The following MOB3B variants were observed in gnomAD, a reference collection of about 807,000 sequenced individuals.
MOB3B encodes MOB kinase activator-like 2B.
A neutral mutation model predicts 18.7 loss-of-function variants in MOB3B; 7 were observed. The observed-to-expected ratio is 0.37, with a 90% CI of 0.21 to 0.70. The LOEUF is 0.70. MOB3B is among the 30% of genes least tolerant of loss of function. The pLI is 0.52. For synonymous variants in MOB3B, 111 were observed against 99.9 expected (o/e 1.11, Z -0.66); for missense variants, 253 against 281.3 (o/e 0.90, Z 0.72).
At chr9:27,331,585 T>C (rs990523051) in intron 3 of MOB3B, among the ~76,000 whole-genome samples, 1 of 152,260 alleles carries the variant, frequency 6.6e-6, no homozygotes, top group Non-Finnish European at 1.5e-5. Context: ...GCTTTCATCT[T>C]TGTAGCCCCT....
At chr9:27,443,229 T>C (rs370633730) in intron 2 of MOB3B, among the ~76,000 whole-genome samples, 3 of 152,174 alleles carry the variant, frequency 2.0e-5, no homozygotes, top group Admixed American at 6.5e-5. Flanking sequence ...CCAGTCCTTA[T>C]GTCTAGTCTT....
At chr9:27,382,486 AC>A (rs762200958) in intron 2 of MOB3B, among the ~76,000 whole-genome samples, 1 of 151,928 alleles carries the variant, frequency 6.6e-6, no homozygotes, top group Non-Finnish European at 1.5e-5. Flanking sequence ...TCCTTCTCCA[AC>A]CCCCTTCACC....
intron 1 of MOB3B, among the ~76,000 whole-genome samples, chr9:27,529,099 G>A (rs566044354): frequency 2.6e-4 from 40 of 152,164 alleles, no homozygotes; most frequent in Non-Finnish European, 4.7e-4. Context: ...CCTCCCTCAG[G>A]ATCAGGACGC....
chr9:27,513,400 G>C (rs1820175481), intron 1 of MOB3B, among the ~76,000 whole-genome samples: 1 of 152,060 alleles, frequency 6.6e-6, no homozygotes, highest in Non-Finnish European at 1.5e-5. Context: ...CCCCCAAAGG[G>C]ATCTCCTTCA....
At position 27,391,307 on chromosome 9, in the gene MOB3B, T is replaced by C. The variant is rs140524311; in HGVS notation, c.419-32071A>G. 1.9e-3 allele frequency among the ~76,000 whole-genome samples: 283 copies of C among 152,326 alleles called. 1 individual carries two copies. The highest frequency in any genetic ancestry group is 6.3e-3 in the African/African-American group (263 of 41,570). On this transcript the variant is annotated intron_variant, in intron 2 of 3. Transcript: ENST00000262244. ...AATCTTCTTTTTAAAATATTGGCAG[T>C]ATATCTGATCTTGGTGAAGTTTATT... is the stretch of plus-strand genomic sequence containing the variant.
intron 2 of MOB3B, among the ~76,000 whole-genome samples, chr9:27,405,389 A>T (rs1187376416): frequency 6.6e-6 from 1 of 152,028 alleles, no homozygotes; most frequent in Non-Finnish European, 1.5e-5. Flanking sequence ...TACAGGTGTG[A>T]GCCACCACGC....
intron 2 of MOB3B, among the ~76,000 whole-genome samples, chr9:27,407,522 T>C (rs527977207): frequency 5.4e-4 from 82 of 152,232 alleles, no homozygotes; most frequent in African/African-American, 1.9e-3. Context: ...CCCTGGGGCA[T>C]GGAGAGCTTG....
chr9:27,383,203 A>G lies in MOB3B; in HGVS notation c.419-23967T>C, dbSNP rs547920753. ...ATTATGCAACCTCTCTGTGCCTTGG[A>G]GGTAATAACAGAACCTCACCCACAG... On this transcript the variant is annotated intron_variant, in intron 2 of 3. Coordinates refer to ENST00000262244, the MANE Select transcript of MOB3B (RefSeq NM_024761.5). 7.2e-5 allele frequency among the ~76,000 whole-genome samples: 11 copies of G among 152,258 alleles called. No homozygotes were observed. In the East Asian group the frequency reaches 1.5e-3, roughly 21 times the overall value.
At chr9:27,338,902 A>T (rs1476926045) in intron 3 of MOB3B, among the ~76,000 whole-genome samples, 2 of 152,234 alleles carry the variant, frequency 1.3e-5, no homozygotes, top group African/African-American at 4.8e-5. Flanking sequence ...AGGTAACTCC[A>T]CAAGTGGGGC....
intron 2 of MOB3B, among the ~76,000 whole-genome samples, chr9:27,439,123 A>G (rs1157635020): frequency 6.6e-6 from 1 of 152,152 alleles, no homozygotes; most frequent in Non-Finnish European, 1.5e-5. Flanking sequence ...GCATTATCCT[A>G]TTAAGACCTT....
chr9:27,474,216 T>C (rs10967952), intron 1 of MOB3B, among the ~76,000 whole-genome samples: 26,145 of 152,144 alleles, frequency 0.17, 2,591 homozygotes, highest in South Asian at 0.27. Context: ...GATAAAGTAA[T>C]AGTGATAATA....
At chr9:27,381,701 C>A (rs1458543354) in intron 2 of MOB3B, among the ~76,000 whole-genome samples, 1 of 152,102 alleles carries the variant, frequency 6.6e-6, no homozygotes, top group Non-Finnish European at 1.5e-5. Flanking sequence ...GGCTGGTGTG[C>A]AGAGGCGCCA....
intron 2 of MOB3B, among the ~76,000 whole-genome samples, chr9:27,401,047 G>A (rs968059146): frequency 1.3e-5 from 2 of 152,154 alleles, no homozygotes; most frequent in African/African-American, 2.4e-5. Context: ...AGGCAACAGG[G>A]GCTTTACAGT....
At chr9:27,359,358 T>G in intron 2 of MOB3B, 122 bp from the exon 3 acceptor site, 2 of 477,246 alleles carry the variant, frequency 4.2e-6, no homozygotes, top group Non-Finnish European at 7.3e-6. Context: ...GTCACAGGAG[T>G]CATAGGGAGT....
At chr9:27,339,370 C>A (rs534646224) in intron 3 of MOB3B, among the ~76,000 whole-genome samples, 1 of 152,288 alleles carries the variant, frequency 6.6e-6, no homozygotes, top group South Asian at 2.1e-4. Context: ...TGGAACTAGG[C>A]TTTATTGGTA....
At chr9:27,447,656 T>G (rs568879827) in intron 2 of MOB3B, among the ~76,000 whole-genome samples, 8 of 152,216 alleles carry the variant, frequency 5.3e-5, no homozygotes, top group Non-Finnish European at 1.2e-4. Flanking sequence ...TCCTTTCTGC[T>G]TCTTTGCACA....
chr9:27,494,258 G>A (rs1194337549), intron 1 of MOB3B, among the ~76,000 whole-genome samples: 2 of 152,142 alleles, frequency 1.3e-5, no homozygotes, highest in Admixed American at 6.5e-5. Context: ...CTGGTCCTGT[G>A]GTCCTATGAT....
At chr9:27,524,661 A>G in intron 1 of MOB3B, 2 of 1,614,086 alleles carry the variant, frequency 1.2e-6, no homozygotes, top group Non-Finnish European at 1.7e-6. Flanking sequence ...TTGGAAAGAG[A>G]GACACCTCAA....
At chr9:27,342,920 G>A (rs1820972017) in intron 3 of MOB3B, among the ~76,000 whole-genome samples, 1 of 146,812 alleles carries the variant, frequency 6.8e-6, no homozygotes, top group Admixed American at 6.7e-5. Flanking sequence ...TCTCTGCCTG[G>A]CCACCCATCG....
Sources: allele counts gnomAD v4.1 joint callset (sites outside exome capture counted in the v4.1 genomes callset), GRCh38; gene constraint gnomAD v4.1.1; transcripts MANE v1.5; gene names NCBI Gene and HGNC (gene_info 2026-07-23, HGNC 2026-07-21).